The following NIPAL2 variants were observed in gnomAD, a reference collection of about 807,000 sequenced individuals.
NIPAL2 encodes NIPA like domain containing 2, also known as NIPA-like protein 2.
Under a neutral mutation model 48.9 loss-of-function variants are expected in NIPAL2, and 43 were observed. The observed-to-expected ratio is 0.88, with a 90% CI of 0.69 to 1.13. The LOEUF (loss-of-function observed/expected upper bound fraction) is 1.13, where lower values mean the gene tolerates loss of function less well. Ranked by LOEUF, NIPAL2 falls within the 50% of genes most tolerant of loss-of-function variation. The pLI, the probability that NIPAL2 is intolerant of heterozygous loss-of-function variation, is 0.00. For missense variants in NIPAL2, 446 were observed against 461.4 expected, an observed-to-expected ratio of 0.97 and a Z score of 0.31; for synonymous variants, 167 against 174.6, an observed-to-expected ratio of 0.96 and a Z score of 0.34.
At chr8:98,278,885 G>T (rs1040897358) in intron 1 of NIPAL2, among the ~76,000 whole-genome samples, 2 of 152,128 alleles carry the variant, frequency 1.3e-5, no homozygotes, top group African/African-American at 2.4e-5. Flanking sequence ...CAGTTTCTGT[G>T]AGAGCAAAAT....
intron 3 of NIPAL2, among the ~76,000 whole-genome samples, chr8:98,247,527 G>T (rs1381450280): frequency 3.3e-5 from 5 of 152,176 alleles, no homozygotes; most frequent in African/African-American, 1.2e-4. Context: ...GGCACCACCC[G>T]CATCTCACAC....
In NIPAL2 at chr8:98,230,786, G is replaced by A. The variant is rs185751261; in HGVS notation, c.436+5369C>T. Among the ~76,000 whole-genome samples, 417 of 152,208 alleles carry A rather than the reference G, an allele frequency of 2.7e-3. 3 individuals are homozygous for A. Among genetic ancestry groups the A allele is most frequent in the Non-Finnish European group, 4.5e-3 (308 of 67,996 alleles). On this transcript the variant is annotated intron_variant, in intron 4 of 10. Transcript: ENST00000430223. Reference sequence around the variant, plus strand: ...CTGTTCACTGGCACCTCTAGCTGGCGGAGTCTTGGAATCTAAGATGTACTT... The same window carrying A: ...CTGTTCACTGGCACCTCTAGCTGGCAGAGTCTTGGAATCTAAGATGTACTT...
rs143903099 is a variant in NIPAL2, at chr8:98,281,311, AAGG to A, written c.135+12689_135+12691del. On this transcript the variant is annotated intron_variant, in intron 1 of 10. Transcript: ENST00000430223. ...TGCAAAGTACCCCCAAGAAGCTCAG[AAGG>A]AGTAGAAGGATGTTACCAGATGCTG... 4.8e-3 allele frequency among the ~76,000 whole-genome samples: 728 copies of A among 152,150 alleles called. 7 individuals carry two copies. The highest frequency in any genetic ancestry group is 0.017 in the African/African-American group (686 of 41,496).
intron 3 of NIPAL2, among the ~76,000 whole-genome samples, chr8:98,236,707 T>A (rs1015617836): frequency 3.3e-5 from 5 of 151,046 alleles, no homozygotes; most frequent in Admixed American, 1.3e-4. Flanking sequence ...AAAAAATTAG[T>A]GGGGCATGGT....
chr8:98,230,491 T>C (rs943440251), intron 4 of NIPAL2, among the ~76,000 whole-genome samples: 2 of 152,238 alleles, frequency 1.3e-5, no homozygotes, highest in African/African-American at 4.8e-5. Context: ...CAGATCTTAA[T>C]GTATTAGCAT....
At chr8:98,257,588 C>A (rs900257582) in intron 1 of NIPAL2, among the ~76,000 whole-genome samples, 6 of 151,988 alleles carry the variant, frequency 3.9e-5, no homozygotes, top group African/African-American at 1.5e-4. Context: ...AATGGCCCTG[C>A]AAAGCTGTCT....
chr8:98,225,414 G>T lies in NIPAL2; in HGVS notation c.437-2814C>A, dbSNP rs115237729. On this transcript the variant is annotated intron_variant, in intron 4 of 10. Transcript: ENST00000430223. ...AAAGTGGTATGAAACGTCAGTTCCT[G>T]CCCCCATTTTTATTTCGGTAAAGCC... Among the ~76,000 whole-genome samples, 835 of 152,156 alleles carry T rather than the reference G, an allele frequency of 5.5e-3. 10 individuals are homozygous for T. Among genetic ancestry groups the T allele is most frequent in the African/African-American group, 0.018 (759 of 41,500 alleles).
intron 1 of NIPAL2, among the ~76,000 whole-genome samples, chr8:98,266,136 G>T (rs940170902): frequency 9.8e-6 from 1 of 101,722 alleles, no homozygotes; most frequent in South Asian, 4.3e-4. Context: ...CTGTTGTGGG[G>T]TGGGGGGAGG....
chr8:98,224,432 T>G (rs529068978), intron 4 of NIPAL2, among the ~76,000 whole-genome samples: 12 of 151,454 alleles, frequency 7.9e-5, no homozygotes, highest in African/African-American at 1.2e-4. Flanking sequence ...TTCACATCAG[T>G]AAATGCAGGG....
Position 98,294,124 on chromosome 8 carries a change from G to T in NIPAL2, c.14C>A (p.Ala5Glu). MAAV[A>E]PAGPGDSASA... Reference sequence around the variant, plus strand: ...GGCGGAGTCCCCGGGGCCCGCGGGCGCCACCGCTGCCATGAGGTCTCGCTC... The same window carrying T: ...GGCGGAGTCCCCGGGGCCCGCGGGCTCCACCGCTGCCATGAGGTCTCGCTC... The change falls in exon 1 of 11, where the codon GCG (alanine) becomes GAG (glutamate). Residue 5 changes from alanine to glutamate, a missense_variant. Ala to Glu is a moderately radical substitution (Grantham distance 107). Coordinates refer to ENST00000430223, the MANE Select transcript of NIPAL2 (RefSeq NM_001321635.2). 6.8e-7 allele frequency: 1 copy of T among 1,462,804 alleles called. No individual in the cohort carries two copies. Among genetic ancestry groups the T allele is most frequent in the South Asian group, 1.3e-5 (1 of 74,484 alleles). 90.6% of individuals were successfully genotyped at this position (1,462,804 alleles called of 1,614,324 possible).
At chr8:98,258,717 G>A (rs1313792722) in intron 1 of NIPAL2, among the ~76,000 whole-genome samples, 1 of 152,050 alleles carries the variant, frequency 6.6e-6, no homozygotes, top group African/African-American at 2.4e-5. Context: ...TAAGGTAAAT[G>A]ACAATCTGTA....
rs369792748 is a variant in NIPAL2 at position 98,222,339 on chromosome 8, CT to C, written c.558+139del. 2,118 of 837,820 alleles carry C rather than the reference CT, an allele frequency of 2.5e-3. 8 individuals are homozygous for C. Among genetic ancestry groups the C allele is most frequent in the South Asian group, 0.013 (425 of 32,170 alleles). The allele number at this position is 837,820 out of a possible 1,614,324, so 51.9% of individuals were successfully genotyped here. A position where few individuals can be genotyped will look rare whatever the true frequency, so the allele number is the denominator to read the frequency against. On this transcript the variant is annotated intron_variant, in intron 5 of 10. Coordinates refer to ENST00000430223, the MANE Select transcript of NIPAL2 (RefSeq NM_001321635.2). Reference sequence around the variant, plus strand: ...TGTTGCTGACTTAGTATTTCAAATACTTTGGTATTGGTCAAATACATTTAGA... The same window carrying C: ...TGTTGCTGACTTAGTATTTCAAATACTTGGTATTGGTCAAATACATTTAGA...
intron 5 of NIPAL2, chr8:98,217,363 GA>G (rs1811630596): frequency 3.4e-6 from 2 of 587,562 alleles, no homozygotes; most frequent in African/African-American, 4.1e-5. Flanking sequence ...CCTTTTGTGA[GA>G]AATATAAAAT....
At chr8:98,254,649 C>T (rs759993950) in intron 1 of NIPAL2, among the ~76,000 whole-genome samples, 12 of 152,208 alleles carry the variant, frequency 7.9e-5, no homozygotes, top group African/African-American at 2.7e-4. Context: ...TTTCCTACTA[C>T]TCCCCTGGTC....
intron 3 of NIPAL2, among the ~76,000 whole-genome samples, chr8:98,247,455 G>A (rs879124439): frequency 6.6e-6 from 1 of 152,106 alleles, no homozygotes; most frequent in Non-Finnish European, 1.5e-5. Context: ...GGGCAGGGTT[G>A]CTGTGTGTGG....
intron 1 of NIPAL2, among the ~76,000 whole-genome samples, chr8:98,270,047 A>C (rs1815030237): frequency 6.6e-6 from 1 of 152,156 alleles, no homozygotes; most frequent in East Asian, 1.9e-4. Context: ...ATAATATTCT[A>C]TGGTGTATGC....
chr8:98,222,590 C>T lies in NIPAL2; in HGVS notation c.447G>A (p.Leu149=), dbSNP rs1811954253. The T allele has an allele frequency of 1.9e-6, 3 of 1,611,054 alleles. No individual in the cohort carries two copies. Among genetic ancestry groups the T allele is most frequent in the Non-Finnish European group, 2.5e-6 (3 of 1,179,430 alleles). ...LRASDLLGTT[L]AFAGTYLLVN... is the part of the protein sequence containing the mutation. ...CCAGTAAATATGTTCCTGCAAATGC[C>T]AGTGTCGTACCTTTAAATAAAATTG... The change falls in exon 5 of 11, where the codon CTG becomes CTA. Residue 149 remains leucine, a synonymous_variant. Transcript: ENST00000430223.
chr8:98,272,431 A>G (rs1815193155), intron 1 of NIPAL2, among the ~76,000 whole-genome samples: 1 of 152,224 alleles, frequency 6.6e-6, no homozygotes. Context: ...AGGGAGATTT[A>G]TTGAATACCA....
intron 6 of NIPAL2, among the ~76,000 whole-genome samples, chr8:98,208,426 T>C (rs1223097371): frequency 6.6e-6 from 1 of 152,164 alleles, no homozygotes; most frequent in African/African-American, 2.4e-5. Context: ...CCTTCCTGGT[T>C]TCCTGATCAA....
Sources: gnomAD v4.1 joint callset for allele counts (sites outside exome capture counted in the v4.1 genomes callset) on GRCh38, gnomAD v4.1.1 for gene constraint, MANE v1.5 for transcripts, NCBI Gene and HGNC (gene_info 2026-07-23, HGNC 2026-07-21) for gene names.